The following DNAH11 variants were observed in gnomAD, a reference collection of about 807,000 sequenced individuals.
The protein encoded by DNAH11 is dynein axonemal heavy chain 11.
DNAH11 carries 442 observed loss-of-function variants against 526.0 expected under a neutral mutation model. That is an observed-to-expected ratio of 0.84 (90% CI 0.78 to 0.91). DNAH11 has a LOEUF of 0.91. DNAH11 is among the 40% of genes least tolerant of loss of function. The probability of loss-of-function intolerance (pLI) is 0.00; values close to 1 mark genes in which losing one functional copy is unlikely to be tolerated. For synonymous variants in DNAH11, 2,461 were observed against 1,935.9 expected (o/e 1.27, Z -7.12); for missense variants, 6,989 against 5,448.7 (o/e 1.28, Z -8.90).
At chr7:21,728,952 G>A (rs367691769) in intron 45 of DNAH11, among the ~76,000 whole-genome samples, 2 of 152,332 alleles carry the variant, frequency 1.3e-5, no homozygotes, top group Non-Finnish European at 1.5e-5. Flanking sequence ...ACACTAAGGC[G>A]GCAGTATTGC....
Position 21,801,211 on chromosome 7 carries a change from A to C in DNAH11, c.10101A>C (p.Glu3367Asp). The change falls in exon 62 of 82, where the codon GAA (glutamate) becomes GAC (aspartate). Residue 3367 changes from glutamate (E) to aspartate (D), a missense_variant. Physicochemically the swap from Glu to Asp is conservative, Grantham distance 45 (BLOSUM62 2). Coordinates refer to ENST00000409508, the MANE Select transcript of DNAH11 (RefSeq NM_001277115.2). The stretch of plus-strand genomic sequence containing the variant: ...CAGCTGAGAAAGTCCGGTGTCAAGA[A>C]GAGGTGAACCAAACCAACAAAACCA... ...KATAEKVRCQ[E>D]EVNQTNKTIK... 1 of 1,613,784 alleles carries C rather than the reference A, an allele frequency of 6.2e-7. No homozygotes were observed. The highest frequency in any genetic ancestry group is 8.5e-7 in the Non-Finnish European group (1 of 1,179,802).
chr7:21,644,514 C>A (rs1306185961), intron 28 of DNAH11, among the ~76,000 whole-genome samples: 2 of 152,132 alleles, frequency 1.3e-5, no homozygotes, highest in East Asian at 3.9e-4. Context: ...TTCTAACTTT[C>A]CTAAAGGAAG....
rs75619238 is a variant in DNAH11 at position 21,810,100 on chromosome 7, C to T, written c.10332+2051C>T. Among the ~76,000 whole-genome samples, 39 of 152,292 alleles carry T rather than the reference C, an allele frequency of 2.6e-4. No individual in the cohort carries two copies. The East Asian group carries it at 6.2e-3, about 24-fold the overall frequency. On this transcript the variant is annotated intron_variant, in intron 63 of 81. Transcript: ENST00000409508. The stretch of plus-strand genomic sequence containing the variant: ...TTTGTTAAAGATTTTTAAAAGACTA[C>T]TTTCAGACTTAAAGTGTAGCATTTT...
chr7:21,726,043 C>A (rs767107190), intron 45 of DNAH11, 59 bp downstream of exon 45: 10 of 1,422,002 alleles, frequency 7.0e-6, no homozygotes, highest in East Asian at 2.6e-5. Context: ...ATAAAAAATA[C>A]CTGCAACTGG....
chr7:21,887,027 A>T (rs751576253), intron 76 of DNAH11, among the ~76,000 whole-genome samples: 2 of 152,218 alleles, frequency 1.3e-5, no homozygotes, highest in Non-Finnish European at 2.9e-5. Flanking sequence ...TGTTTATATG[A>T]TTAGCAACAT....
At position 21,591,508 on chromosome 7, in the gene DNAH11, G is replaced by A; in HGVS notation, c.2598G>A (p.Lys866=). The A allele has an allele frequency of 6.2e-7, 1 of 1,601,988 alleles. No individual in the cohort carries two copies. Among genetic ancestry groups the A allele is most frequent in the Non-Finnish European group, 8.5e-7 (1 of 1,171,530 alleles). ...AGGCAGCCTTCACCTTGGAGGACAA[G>A]GGTGATTTGTTTACAAAAAAATACA... is the stretch of plus-strand genomic sequence containing the variant. ...RREAAFTLED[K]GDLFTKKYKL... The change falls in exon 14 of 82, where the codon AAG becomes AAA. Residue 866 remains lysine (K), a synonymous_variant. Coordinates refer to ENST00000409508, the MANE Select transcript of DNAH11 (RefSeq NM_001277115.2).
At chr7:21,627,005 C>A (rs993032659) in intron 25 of DNAH11, among the ~76,000 whole-genome samples, 1 of 151,914 alleles carries the variant, frequency 6.6e-6, no homozygotes, top group Non-Finnish European at 1.5e-5. Flanking sequence ...GTGCCTCTGC[C>A]CCTAAAGTGT....
intron 21 of DNAH11, among the ~76,000 whole-genome samples, chr7:21,615,503 T>G (rs1785729558): frequency 6.6e-6 from 1 of 151,940 alleles, no homozygotes; most frequent in Admixed American, 6.6e-5. Context: ...TTTAATAAGC[T>G]GACTGCCTCA....
intron 45 of DNAH11, among the ~76,000 whole-genome samples, chr7:21,733,000 C>G (rs1214684235): frequency 2.0e-5 from 3 of 152,188 alleles, no homozygotes; most frequent in African/African-American, 7.2e-5. Context: ...TTCCTCACAT[C>G]CTGCAGGAGC....
At chr7:21,655,798 A>C in intron 28 of DNAH11, 34 bp from the exon 29 acceptor site, 3 of 1,589,806 alleles carry the variant, frequency 1.9e-6, no homozygotes, top group Non-Finnish European at 2.6e-6. Context: ...TACAGTAAGA[A>C]ATGTTCTTAT....
At chr7:21,836,390 G>C (rs6960352) in intron 65 of DNAH11, among the ~76,000 whole-genome samples, 1 of 151,902 alleles carries the variant, frequency 6.6e-6, no homozygotes, top group Non-Finnish European at 1.5e-5. Context: ...TGGCACTTGC[G>C]TAAAAACAAA....
At chr7:21,615,496 A>T (rs1476731403) in intron 21 of DNAH11, among the ~76,000 whole-genome samples, 1 of 151,974 alleles carries the variant, frequency 6.6e-6, no homozygotes, top group Non-Finnish European at 1.5e-5. Flanking sequence ...AACTTTGTTT[A>T]ATAAGCTGAC....
At position 21,641,774 on chromosome 7, in the gene DNAH11, A is replaced by G. The variant is rs529817693; in HGVS notation, c.4944+2709A>G. ...ATCTTCTCCATTATCAGTGTGACTT[A>G]CTGTGAATGTCTCCTCACCTACCCC... is the stretch of plus-strand genomic sequence containing the variant. On this transcript the variant is annotated intron_variant, in intron 28 of 81. Coordinates refer to ENST00000409508, the MANE Select transcript of DNAH11 (RefSeq NM_001277115.2). Among the ~76,000 whole-genome samples the G allele has an allele frequency of 3.9e-5, 6 of 152,326 alleles. No individual in the cohort carries two copies. In the East Asian group the frequency reaches 1.2e-3, roughly 29 times the overall value.
rs754491846 is a variant in DNAH11, at chr7:21,854,307, C to A, written c.11062-8C>A. The A allele has an allele frequency of 1.9e-6, 3 of 1,613,250 alleles. No individual in the cohort carries two copies. Among genetic ancestry groups the A allele is most frequent in the Non-Finnish European group, 2.5e-6 (3 of 1,179,622 alleles). ...ATAAGTTACTTATTTTGTTTGATCC[C>A]ACCATAGGTGATTGAAGCCAAAGAA... On this transcript the variant is annotated splice_region_variant and splice_polypyrimidine_tract_variant and intron_variant, in intron 67 of 81. Transcript: ENST00000409508.
chr7:21,801,840 A>G (rs1364456473), intron 62 of DNAH11, among the ~76,000 whole-genome samples: 1 of 152,156 alleles, frequency 6.6e-6, no homozygotes, highest in African/African-American at 2.4e-5. Context: ...ACATCTTTTT[A>G]TGGGTGACTG....
chr7:21,620,153 C>T, intron 25 of DNAH11, 75 bp downstream of exon 25: 4 of 1,214,486 alleles, frequency 3.3e-6, no homozygotes, highest in Non-Finnish European at 4.5e-6. Flanking sequence ...TATAGGGTAC[C>T]ATGTGATGTT....
chr7:21,626,594 A>G (rs928304080), intron 25 of DNAH11, among the ~76,000 whole-genome samples: 1 of 152,044 alleles, frequency 6.6e-6, no homozygotes, highest in African/African-American at 2.4e-5. Flanking sequence ...CTTTCTCCAC[A>G]TCCTTGCCAG....
intron 65 of DNAH11, among the ~76,000 whole-genome samples, chr7:21,830,506 A>G (rs527738092): frequency 1.3e-5 from 2 of 152,298 alleles, no homozygotes; most frequent in Middle Eastern, 6.8e-3. Flanking sequence ...TGTGATAGAA[A>G]GTCAGGCAGG....
intron 25 of DNAH11, among the ~76,000 whole-genome samples, chr7:21,634,684 T>C (rs1786773779): frequency 6.6e-6 from 1 of 151,756 alleles, no homozygotes; most frequent in Non-Finnish European, 1.5e-5. Flanking sequence ...AGGAGGAGGG[T>C]GAGGATCAAA....
Sources: allele counts gnomAD v4.1 joint callset (sites outside exome capture counted in the v4.1 genomes callset), GRCh38; gene constraint gnomAD v4.1.1; transcripts MANE v1.5; gene names NCBI Gene and HGNC (gene_info 2026-07-23, HGNC 2026-07-21).